The following PAPPA variants were observed in gnomAD, a reference collection of about 807,000 sequenced individuals.
The protein encoded by PAPPA is pappalysin-1.
PAPPA carries 60 observed loss-of-function variants against 164.0 expected under a neutral mutation model. The ratio of observed to expected loss-of-function variants is 0.37; its 90% CI spans 0.30 to 0.45. The LOEUF (loss-of-function observed/expected upper bound fraction) is 0.45. Among genes scored for constraint, PAPPA ranks in the 20% least tolerant of loss-of-function variants. The pLI is 1.00. For synonymous variants in PAPPA, 875 were observed against 814.1 expected (o/e 1.07, Z -1.27); for missense variants, 1,782 against 2,087.3 (o/e 0.85, Z 2.85).
intron 15 of PAPPA, among the ~76,000 whole-genome samples, chr9:116,351,540 G>A (rs972991736): frequency 6.6e-5 from 10 of 152,226 alleles, no homozygotes; most frequent in Middle Eastern, 6.8e-3. Flanking sequence ...TGATGGCTCC[G>A]GAATGAATAA....
chr9:116,187,527 G>A lies in PAPPA; in HGVS notation c.789G>A (p.Arg263=). 1 of 1,614,178 alleles carries A rather than the reference G, an allele frequency of 6.2e-7. No individual in the cohort carries two copies. The highest frequency in any genetic ancestry group is 8.5e-7 in the Non-Finnish European group (1 of 1,180,026). Residue 263 remains arginine (R), a synonymous_variant, in exon 2 of 22, where the codon AGG becomes AGA. Coordinates refer to ENST00000328252, the MANE Select transcript of PAPPA (RefSeq NM_002581.5). This position sits in a 1 kb window ranked among gnomAD's most constrained non-coding sequence, Gnocchi z 4.2. ...ACTTCAGTCTGTGGAAGGTGGCCAG[G>A]ACTCAGCGGGAGATACTGTCTGACA... ...IEHFSLWKVA[R]TQREILSDME... is the part of the protein sequence containing the mutation.
chr9:116,271,437 G>A lies in PAPPA; in HGVS notation c.2953+21G>A, dbSNP rs1824169745. ...TATTGGTACGTCTTTTTCATTTCTT[G>A]TGGCCTTCATGAAGAAATGAACGGT... On this transcript the variant is annotated intron_variant, in intron 9 of 21. Transcript: ENST00000328252. The surrounding 1 kb of genome is among the most constrained non-coding windows in gnomAD (Gnocchi z 4.2). 14 of 1,539,162 alleles carry A rather than the reference G, an allele frequency of 9.1e-6. No homozygotes were observed. The highest frequency in any genetic ancestry group is 3.4e-4 in the Middle Eastern group (2 of 5,964).
chr9:116,195,970 C>G (rs1844099285), intron 2 of PAPPA, among the ~76,000 whole-genome samples: 1 of 152,060 alleles, frequency 6.6e-6, no homozygotes, highest in South Asian at 2.1e-4. Flanking sequence ...GCATGCCACA[C>G]TAAGTTTAAG....
intron 1 of PAPPA, among the ~76,000 whole-genome samples, chr9:116,160,893 T>G (rs1295895799): frequency 6.6e-6 from 1 of 152,202 alleles, no homozygotes; most frequent in African/African-American, 2.4e-5. Context: ...AGGTCAGCGT[T>G]CAGGTCCTGG....
chr9:116,327,436 C>T (rs569857036), intron 10 of PAPPA, among the ~76,000 whole-genome samples: 10 of 151,956 alleles, frequency 6.6e-5, no homozygotes, highest in African/African-American at 9.7e-5. Flanking sequence ...AGATGATGAG[C>T]GAAGAAGAGC....
chr9:116,197,302 C>T (rs528401098), intron 2 of PAPPA, among the ~76,000 whole-genome samples: 29 of 152,236 alleles, frequency 1.9e-4, no homozygotes, highest in Non-Finnish European at 3.7e-4. Flanking sequence ...GCACTGGAGA[C>T]GCCAAGGGAT....
intron 11 of PAPPA, among the ~76,000 whole-genome samples, chr9:116,331,936 T>G (rs537630495): frequency 1.3e-5 from 2 of 152,332 alleles, no homozygotes; most frequent in African/African-American, 4.8e-5. Flanking sequence ...TTTGTGTGTG[T>G]GGGTTTTAGT....
chr9:116,183,469 C>G (rs1434800168), intron 1 of PAPPA, among the ~76,000 whole-genome samples: 1 of 152,158 alleles, frequency 6.6e-6, no homozygotes, highest in East Asian at 1.9e-4. Context: ...GGTTACCTGA[C>G]AAGTCAAGCT....
At chr9:116,273,639 T>C (rs1052960858) in intron 9 of PAPPA, among the ~76,000 whole-genome samples, 54 of 152,226 alleles carry the variant, frequency 3.5e-4, no homozygotes, top group African/African-American at 1.3e-3. Flanking sequence ...CTGGGAGTGG[T>C]GGCGGGCACC....
In PAPPA at chr9:116,334,998, C is replaced by A. The variant is rs1846043014; in HGVS notation, c.3535C>A (p.Arg1179Ser). ...GGTCGCCATCTCGGGGGTGGCCCTC[C>A]GTTCCTTCGACAACTTTGACCCCGT... Reference protein sequence around the residue: ...PLVAISGVALRSFDNFDPVTL... With the variant: ...PLVAISGVALSSFDNFDPVTL... The change falls in exon 13 of 22, where the codon CGT becomes AGT. Residue 1179 changes from arginine (R) to serine (S), a missense_variant. Physicochemically the swap from Arg to Ser is moderately radical, Grantham distance 110 (BLOSUM62 -1). Around this residue, in one of 2 missense-constraint regions of PAPPA, gnomAD observed 1,324 missense variants for 1,656.9 expected, o/e 0.80. Transcript: ENST00000328252. 6.2e-7 allele frequency: 1 copy of A among 1,612,060 alleles called. No individual in the cohort carries two copies. Among genetic ancestry groups the A allele is most frequent in the Non-Finnish European group, 8.5e-7 (1 of 1,179,424 alleles).
At chr9:116,234,621 T>C (rs1373284082) in intron 6 of PAPPA, among the ~76,000 whole-genome samples, 1 of 152,156 alleles carries the variant, frequency 6.6e-6, no homozygotes, top group Admixed American at 6.5e-5. Context: ...GTCCCCTGCA[T>C]CCAATAGGGA....
chr9:116,335,287 A>C (rs976343278), intron 13 of PAPPA, among the ~76,000 whole-genome samples: 1 of 152,162 alleles, frequency 6.6e-6, no homozygotes, highest in African/African-American at 2.4e-5. Flanking sequence ...TGGTGAAAAA[A>C]GAACCTCATT....
intron 1 of PAPPA, among the ~76,000 whole-genome samples, chr9:116,184,727 T>C (rs1843949201): frequency 6.6e-6 from 1 of 152,228 alleles, no homozygotes. Flanking sequence ...TCCTGATCTT[T>C]CTACTTTACC....
intron 1 of PAPPA, among the ~76,000 whole-genome samples, chr9:116,163,040 T>G (rs1417137896): frequency 6.6e-6 from 1 of 152,224 alleles, no homozygotes; most frequent in Non-Finnish European, 1.5e-5. Context: ...GTCTATTTCC[T>G]GCCCAAGCAT....
intron 13 of PAPPA, among the ~76,000 whole-genome samples, chr9:116,339,077 G>A (rs1314270069): frequency 6.6e-6 from 1 of 152,130 alleles, no homozygotes; most frequent in Non-Finnish European, 1.5e-5. Flanking sequence ...CTAGTTCTCA[G>A]GAATCCAGTT....
At chr9:116,344,001 C>G (rs548812877) in intron 13 of PAPPA, among the ~76,000 whole-genome samples, 2 of 151,990 alleles carry the variant, frequency 1.3e-5, no homozygotes, top group Non-Finnish European at 2.9e-5. Context: ...CTCCTGACCT[C>G]GTGATCTGCC....
intron 10 of PAPPA, among the ~76,000 whole-genome samples, chr9:116,305,637 G>A (rs971025843): frequency 4.6e-5 from 7 of 152,158 alleles, no homozygotes; most frequent in African/African-American, 1.2e-4. Flanking sequence ...CAATCCCCTT[G>A]TCATTCTTCA....
chr9:116,210,458 C>A (rs558481629), intron 3 of PAPPA, among the ~76,000 whole-genome samples: 3 of 152,126 alleles, frequency 2.0e-5, no homozygotes, highest in Non-Finnish European at 4.4e-5. Flanking sequence ...AAGACCCTAC[C>A]TCCTCACCAT....
rs1470337532 is a variant in PAPPA at position 116,195,294 on chromosome 9, AC to A, written c.1478+7079del. Among the ~76,000 whole-genome samples, 9 of 152,320 alleles carry A rather than the reference AC, an allele frequency of 5.9e-5. No individual in the cohort carries two copies. The South Asian group carries it at 1.7e-3, about 28-fold the overall frequency. ...TTTACTCACAAGTTCCATCTGTGAG[AC>A]TTGCACACATATAACTTTGGTCTTA... On this transcript the variant is annotated intron_variant, in intron 2 of 21. Transcript: ENST00000328252.
Sources: allele counts gnomAD v4.1 joint callset (sites outside exome capture counted in the v4.1 genomes callset), GRCh38; gene constraint gnomAD v4.1.1; regional missense constraint gnomAD v4.1.1; non-coding constraint Gnocchi (gnomAD v3.1); transcripts MANE v1.5; gene names NCBI Gene and HGNC (gene_info 2026-07-23, HGNC 2026-07-21).